SPATC1: variants seen among roughly 807,000 people sequenced by gnomAD.
SPATC1 encodes spermatogenesis and centriole associated 1.
A neutral mutation model predicts 36.5 loss-of-function variants in SPATC1; 35 were observed. The ratio of observed to expected loss-of-function variants is 0.96; its 90% confidence interval spans 0.73 to 1.27. The LOEUF (loss-of-function observed/expected upper bound fraction) is 1.27. Ranked by LOEUF, SPATC1 falls within the 50% of genes most tolerant of loss-of-function variation. The pLI, the probability that SPATC1 is intolerant of heterozygous loss-of-function variation, is 0.00. For synonymous variants in SPATC1, 361 were observed against 353.6 expected (o/e 1.02, Z -0.24); for missense variants, 779 against 796.0 (o/e 0.98, Z 0.26).
Position 144,012,901 on chromosome 8 carries a change from G to GCATTCC in SPATC1, c.211+177_211+182dup, listed in dbSNP as rs1290775122. 6 of 721,444 alleles carry GCATTCC rather than the reference G, an allele frequency of 8.3e-6. No homozygotes were observed. In the Admixed American group the frequency reaches 1.3e-4, roughly 15 times the overall value. 44.7% of individuals were successfully genotyped at this position (721,444 alleles called of 1,614,324 possible). The stretch of plus-strand genomic sequence containing the variant: ...TGTGCTTCCTGTCCTGGAGGAGGCT[G>GCATTCC]CATTCCCTCCTGTCCAGGGTGGACC... On this transcript the variant is annotated intron_variant, in intron 1 of 4. Coordinates refer to ENST00000377470, the MANE Select transcript of SPATC1 (RefSeq NM_198572.3).
At chr8:144,025,789 G>A (rs931815179) in intron 1 of SPATC1, among the ~76,000 whole-genome samples, 25,436 of 152,072 alleles carry the variant, frequency 0.17, 3,981 homozygotes, top group African/African-American at 0.41. Flanking sequence ...CAGGGCATAT[G>A]CTCCTCATGG....
chr8:144,043,930 C>T (rs1329157082), intron 4 of SPATC1, among the ~76,000 whole-genome samples: 4 of 152,178 alleles, frequency 2.6e-5, no homozygotes, highest in African/African-American at 4.8e-5. Context: ...GACACGGTCA[C>T]GTGTGCACTC....
At chr8:144,043,324 C>G (rs1428219500) in intron 4 of SPATC1, among the ~76,000 whole-genome samples, 9 of 151,208 alleles carry the variant, frequency 6.0e-5, no homozygotes, top group Non-Finnish European at 1.3e-4. Flanking sequence ...CTCTGTCACC[C>G]AGGCTAGAGT....
At chr8:144,042,062 C>A in intron 4 of SPATC1, 1 of 948,766 alleles carries the variant, frequency 1.1e-6, no homozygotes, top group Non-Finnish European at 1.3e-6. Flanking sequence ...CAAACCAAGA[C>A]TCCACCTGAA....
chr8:144,026,515 G>A (rs1291525016), intron 1 of SPATC1, among the ~76,000 whole-genome samples: 1 of 152,102 alleles, frequency 6.6e-6, no homozygotes, highest in Non-Finnish European at 1.5e-5. Flanking sequence ...AACTGTTTAA[G>A]GAACTGCCAG....
chr8:144,018,429 G>A (rs1834433971), intron 1 of SPATC1, among the ~76,000 whole-genome samples: 1 of 152,146 alleles, frequency 6.6e-6, no homozygotes, highest in Non-Finnish European at 1.5e-5. Flanking sequence ...GTAGCTGGGA[G>A]GGCATGAGGT....
At chr8:144,024,818 C>G (rs1486437945) in intron 1 of SPATC1, among the ~76,000 whole-genome samples, 4 of 151,368 alleles carry the variant, frequency 2.6e-5, no homozygotes, top group Non-Finnish European at 5.9e-5. Flanking sequence ...CCTGAGGACC[C>G]TCTTCCCTCA....
rs782815948 is a variant in SPATC1 at position 144,040,126 on chromosome 8, TCC to T, written c.431_432del (p.Pro144HisfsTer89). ...SSPLTSFLTSPIAGPLTGTLA... is the reference protein window; with the variant it reads ...SSPLTSFLTSXIAGPLTGTLA... ...GCCCCCTCACCAGCTTCCTGACCAGTCCCATTGCGGGACCCCTAACAGGCACA... is the reference window on the plus strand; with the variant it reads ...GCCCCCTCACCAGCTTCCTGACCAGTCATTGCGGGACCCCTAACAGGCACA... On this transcript the variant is annotated frameshift_variant, in exon 2 of 5. Transcript: ENST00000377470. LOFTEE classifies it high-confidence loss of function. The T allele has an allele frequency of 2.5e-6, 4 of 1,609,658 alleles. No homozygotes were observed. In the South Asian group the frequency reaches 4.4e-5, roughly 18 times the overall value.
chr8:144,032,131 CTT>C (rs1834810205), intron 1 of SPATC1, among the ~76,000 whole-genome samples: 1 of 152,040 alleles, frequency 6.6e-6, no homozygotes, highest in Admixed American at 6.6e-5. Flanking sequence ...CCAGAGGTCT[CTT>C]AGGCTTTATT....
At chr8:144,033,520 CA>C (rs1324671072) in intron 1 of SPATC1, among the ~76,000 whole-genome samples, 4 of 152,108 alleles carry the variant, frequency 2.6e-5, no homozygotes, top group South Asian at 2.1e-4. Context: ...TCTGGAGACC[CA>C]AAAAAAGTTT....
At chr8:144,033,919 G>A (rs929051580) in intron 1 of SPATC1, among the ~76,000 whole-genome samples, 4 of 152,192 alleles carry the variant, frequency 2.6e-5, no homozygotes, top group Non-Finnish European at 5.9e-5. Flanking sequence ...GGAAGGAGAC[G>A]GCAAGGAATC....
At chr8:144,019,436 G>A (rs1329759893) in intron 1 of SPATC1, among the ~76,000 whole-genome samples, 1 of 152,220 alleles carries the variant, frequency 6.6e-6, no homozygotes, top group Non-Finnish European at 1.5e-5. Context: ...GTAATCTGAA[G>A]AGGCAGGAAA....
chr8:144,021,470 C>T lies in SPATC1; in HGVS notation c.211+8744C>T, dbSNP rs1202618767. On this transcript the variant is annotated intron_variant, in intron 1 of 4. Transcript: ENST00000377470. ...ACTGCCTTCTCTCAGGACCCTCTCC[C>T]CTCAGGACTGCCTTCCCTCAGGACC... Among the ~76,000 whole-genome samples the T allele has an allele frequency of 2.4e-5, 3 of 127,384 alleles. 1 individual carries two copies. Among genetic ancestry groups the T allele is most frequent in the Non-Finnish European group, 5.2e-5 (3 of 57,374 alleles). The allele number at this position is 127,384 out of a possible 152,430, so 83.6% of individuals were successfully genotyped here.
chr8:144,033,842 G>A (rs1474752669), intron 1 of SPATC1, among the ~76,000 whole-genome samples: 1 of 152,156 alleles, frequency 6.6e-6, no homozygotes, highest in East Asian at 1.9e-4. Flanking sequence ...CACCAGCAGA[G>A]GCACAGGGAC....
chr8:144,042,311 A>ATATATTTTTT (rs1412021347), intron 4 of SPATC1, among the ~76,000 whole-genome samples: 9 of 23,884 alleles, frequency 3.8e-4, no homozygotes, highest in African/African-American at 7.2e-4. Context: ...ATATATATAT[A>ATATATTTTTT]TTTTTTTTTT....
chr8:144,016,993 C>T lies in SPATC1; in HGVS notation c.211+4267C>T, dbSNP rs1587487614. Among the ~76,000 whole-genome samples the T allele has an allele frequency of 6.6e-6, 1 of 152,072 alleles. No individual in the cohort carries two copies. The highest frequency in any genetic ancestry group is 1.9e-4 in the East Asian group (1 of 5,200). On this transcript the variant is annotated intron_variant, in intron 1 of 4. Transcript: ENST00000377470. The surrounding 1 kb of genome is among the most constrained non-coding windows in gnomAD (Gnocchi z 4.5). ...CATGTTTGTGCTTCAGAAACGTTAC[C>T]CCAGATGCTATGGGGGAAATGGATT...
intron 1 of SPATC1, among the ~76,000 whole-genome samples, chr8:144,020,758 C>T (rs1834503407): frequency 6.7e-6 from 1 of 149,578 alleles, no homozygotes; most frequent in Admixed American, 6.6e-5. Flanking sequence ...GGACCTGATG[C>T]CCTTAGGACC....
rs782149783 is a variant in SPATC1, at chr8:144,041,094, C to T, written c.1293C>T (p.Pro431=). Residue 431 remains proline (P), a synonymous_variant, in exon 3 of 5, where the codon CCC becomes CCT. Coordinates refer to ENST00000377470, the MANE Select transcript of SPATC1 (RefSeq NM_198572.3). ...KLAHRKTSKF[P]ENPRESKQLA... is the part of the protein sequence containing the mutation. ...CCCACCGCAAGACCAGCAAGTTCCC[C>T]GAGAACCCCCGAGGTCAGTGACACT... is the stretch of plus-strand genomic sequence containing the variant. 1.4e-5 allele frequency: 22 copies of T among 1,579,816 alleles called. No homozygotes were observed. Among genetic ancestry groups the T allele is most frequent in the South Asian group, 1.2e-4 (10 of 86,350 alleles).
chr8:144,024,172 G>A (rs932826158), intron 1 of SPATC1, among the ~76,000 whole-genome samples: 13 of 62,052 alleles, frequency 2.1e-4, no homozygotes, highest in South Asian at 1.6e-3. Context: ...ACCCTCTCCC[G>A]TTAGGACCCT....
Sources: allele counts gnomAD v4.1 joint callset (sites outside exome capture counted in the v4.1 genomes callset), GRCh38; gene constraint gnomAD v4.1.1; non-coding constraint Gnocchi (gnomAD v3.1); transcripts MANE v1.5; gene names NCBI Gene and HGNC (gene_info 2026-07-23, HGNC 2026-07-21).